Variants in DIP2B observed in about 807,000 individuals in gnomAD.
The protein encoded by DIP2B is disco-interacting protein 2 homolog B.
A neutral mutation model predicts 198.0 loss-of-function variants in DIP2B; 76 were observed. That is an observed-to-expected ratio of 0.38 (90% CI 0.32 to 0.46). DIP2B has a LOEUF of 0.46. Among genes scored for constraint, DIP2B ranks in the 20% least tolerant of loss-of-function variants. The pLI is 0.99. For synonymous variants in DIP2B, 701 were observed against 739.1 expected, an observed-to-expected ratio of 0.95 and a Z score of 0.84; for missense variants, 1,559 against 1,978.4, an observed-to-expected ratio of 0.79 and a Z score of 4.02.
intron 1 of DIP2B, among the ~76,000 whole-genome samples, chr12:50,621,183 A>G (rs1937804804): frequency 6.6e-6 from 1 of 152,252 alleles, no homozygotes; most frequent in African/African-American, 2.4e-5. Flanking sequence ...AACCACAGAA[A>G]TGTGAAATAA....
chr12:50,586,337 C>T (rs1011331237), intron 1 of DIP2B, among the ~76,000 whole-genome samples: 1 of 152,154 alleles, frequency 6.6e-6, no homozygotes, highest in Admixed American at 6.5e-5. Context: ...TGTAGAGAGG[C>T]AGGTCCAGGC....
chr12:50,647,637 C>T (rs770121073), intron 3 of DIP2B, among the ~76,000 whole-genome samples: 1 of 152,104 alleles, frequency 6.6e-6, no homozygotes, highest in Non-Finnish European at 1.5e-5. Context: ...TGAACAATAC[C>T]TCTCTGCTTT....
At chr12:50,558,530 T>G (rs1958490619) in intron 1 of DIP2B, among the ~76,000 whole-genome samples, 1 of 152,188 alleles carries the variant, frequency 6.6e-6, no homozygotes, top group South Asian at 2.1e-4. Flanking sequence ...AGCACTGTAT[T>G]TCTGAACTTG....
chr12:50,654,486 C>G (rs1938520830), intron 3 of DIP2B, among the ~76,000 whole-genome samples: 2 of 151,864 alleles, frequency 1.3e-5, no homozygotes, highest in Admixed American at 1.3e-4. Flanking sequence ...TCCTGAGTAG[C>G]TGGCCCTACA....
intron 1 of DIP2B, among the ~76,000 whole-genome samples, chr12:50,570,414 A>T (rs1370257030): frequency 6.6e-6 from 1 of 152,236 alleles, no homozygotes; most frequent in Non-Finnish European, 1.5e-5. Flanking sequence ...GTGTATAAAG[A>T]TACAGGCAGT....
intron 25 of DIP2B, 96 bp downstream of exon 25, chr12:50,719,131 C>G: frequency 7.5e-7 from 1 of 1,337,532 alleles, no homozygotes; most frequent in Non-Finnish European, 1.0e-6. Context: ...ATTTCTGTTG[C>G]CATCTCTGAA....
At position 50,517,688 on chromosome 12, in the gene DIP2B, C is replaced by G. The variant is rs531559028; in HGVS notation, c.100+12448C>G. Among the ~76,000 whole-genome samples the G allele has an allele frequency of 5.1e-4, 78 of 152,302 alleles. 1 individual carries two copies. Among genetic ancestry groups the G allele is most frequent in the African/African-American group, 1.8e-3 (73 of 41,552 alleles). On this transcript the variant is annotated intron_variant, in intron 1 of 37. Transcript: ENST00000301180. ...CTGCCTGCCTTTTTACCCTCATTTC[C>G]TGCTCTGTCTATATTTGTTGTCTGC... is the stretch of plus-strand genomic sequence containing the variant.
intron 1 of DIP2B, among the ~76,000 whole-genome samples, chr12:50,508,798 C>G (rs566524824): frequency 6.6e-6 from 1 of 152,042 alleles, no homozygotes; most frequent in Admixed American, 6.6e-5. Flanking sequence ...CTCTGCCTCC[C>G]GGGTTCAGGT....
At chr12:50,618,192 A>G (rs1937738271) in intron 1 of DIP2B, among the ~76,000 whole-genome samples, 1 of 152,232 alleles carries the variant, frequency 6.6e-6, no homozygotes, top group Non-Finnish European at 1.5e-5. Flanking sequence ...TAAAAAATTT[A>G]AAAGAATGTT....
chr12:50,539,065 G>A (rs551700188), intron 1 of DIP2B, among the ~76,000 whole-genome samples: 2 of 152,166 alleles, frequency 1.3e-5, no homozygotes, highest in African/African-American at 4.8e-5. Flanking sequence ...TTTCAAAAAC[G>A]TCTTTGTCTC....
rs35179881 is a variant in DIP2B at position 50,520,035 on chromosome 12, C to CTTTT, written c.100+14813_100+14816dup. Among the ~76,000 whole-genome samples, 260 of 100,570 alleles carry CTTTT rather than the reference C, an allele frequency of 2.6e-3. 2 individuals are homozygous for CTTTT. Among genetic ancestry groups the CTTTT allele is most frequent in the Non-Finnish European group, 4.2e-3 (217 of 51,704 alleles). 66.0% of individuals were successfully genotyped at this position (100,570 alleles called of 152,430 possible). On this transcript the variant is annotated intron_variant, in intron 1 of 37. Coordinates refer to ENST00000301180, the MANE Select transcript of DIP2B (RefSeq NM_173602.3). Reference sequence around the variant, plus strand: ...CTGACCAGTCTTGTCATTGAATCTCCTTTTTTTTTTTTTTTTTTTTTGAGA... The same window carrying CTTTT: ...CTGACCAGTCTTGTCATTGAATCTCCTTTTTTTTTTTTTTTTTTTTTTTTTGAGA...
chr12:50,686,438 CTAATAAAAACTAAG>C, intron 11 of DIP2B, 121 bp from the exon 12 acceptor site: 1 of 743,526 alleles, frequency 1.3e-6, no homozygotes, highest in Non-Finnish European at 2.1e-6. Context: ...CCACTAAAAA[CTAATAAAAACTAAG>C]TATTTTATTG....
chr12:50,666,698 G>A (rs1276173817), intron 4 of DIP2B, among the ~76,000 whole-genome samples: 2 of 152,058 alleles, frequency 1.3e-5, no homozygotes, highest in Non-Finnish European at 2.9e-5. Flanking sequence ...TTAGCAGTTG[G>A]GTGAATTAGA....
intron 3 of DIP2B, among the ~76,000 whole-genome samples, chr12:50,653,896 C>G (rs1938508940): frequency 6.6e-6 from 1 of 151,886 alleles, no homozygotes; most frequent in South Asian, 2.1e-4. Context: ...GTTTTTGAGA[C>G]AGAGCCTTAC....
chr12:50,553,946 G>A (rs7316864), intron 1 of DIP2B, among the ~76,000 whole-genome samples: 3 of 151,866 alleles, frequency 2.0e-5, no homozygotes, highest in African/African-American at 4.8e-5. Context: ...CAGCCTGTGC[G>A]CTTGGGCTGT....
At chr12:50,731,289 T>C (rs1324325390) in intron 30 of DIP2B, 80 bp from the exon 31 acceptor site, 18 of 1,515,492 alleles carry the variant, frequency 1.2e-5, no homozygotes, top group Non-Finnish European at 1.6e-5. Flanking sequence ...TCAGTAAATA[T>C]CTGTGGAATT....
In DIP2B at chr12:50,704,377, G is replaced by C. The variant is rs545513102; in HGVS notation, c.2406+157G>C. 1.1e-4 allele frequency among the ~76,000 whole-genome samples: 17 copies of C among 152,290 alleles called. 1 individual carries two copies. The highest frequency in any genetic ancestry group is 3.8e-4 in the African/African-American group (16 of 41,562). Reference sequence around the variant, plus strand: ...TGTAAGGATGTCATAAAATGAGTTAGTGTTTATCATTTCCACTACCCAAGT... The same window carrying C: ...TGTAAGGATGTCATAAAATGAGTTACTGTTTATCATTTCCACTACCCAAGT... On this transcript the variant is annotated intron_variant, in intron 20 of 37. Coordinates refer to ENST00000301180, the MANE Select transcript of DIP2B (RefSeq NM_173602.3).
At chr12:50,706,802 G>T in intron 21 of DIP2B, 137 bp downstream of exon 21, 1 of 945,318 alleles carries the variant, frequency 1.1e-6, no homozygotes, top group Non-Finnish European at 1.5e-6. Context: ...CATAAGCCTG[G>T]CTTTTTTTTT....
chr12:50,508,779 C>T (rs1479536848), intron 1 of DIP2B, among the ~76,000 whole-genome samples: 1 of 151,132 alleles, frequency 6.6e-6, no homozygotes. Flanking sequence ...GATCTCAGCT[C>T]ACTGCAACCT....
Sources: allele counts gnomAD v4.1 joint callset (sites outside exome capture counted in the v4.1 genomes callset), GRCh38; gene constraint gnomAD v4.1.1; transcripts MANE v1.5; gene names NCBI Gene and HGNC (gene_info 2026-07-23, HGNC 2026-07-21).